Variants in PDE4D observed in about 807,000 individuals in gnomAD.
The protein encoded by PDE4D is 3',5'-cyclic-AMP phosphodiesterase 4D.
Under a neutral mutation model 87.4 loss-of-function variants are expected in PDE4D, and 24 were observed. The ratio of observed to expected loss-of-function variants is 0.27; its 90% CI spans 0.20 to 0.39. The LOEUF (loss-of-function observed/expected upper bound fraction) is 0.39. Ranked by LOEUF, PDE4D falls within the 10% of genes least tolerant of loss-of-function variation. The probability of loss-of-function intolerance (pLI) is 1.00; values close to 1 mark genes in which losing one functional copy is unlikely to be tolerated. For missense variants in PDE4D, 714 were observed against 1,041.0 expected (o/e 0.69, Z 4.32); for synonymous variants, 384 against 383.2 (o/e 1.00, Z -0.02).
At chr5:59,397,211 A>C (rs1174046405) in intron 1 of PDE4D, among the ~76,000 whole-genome samples, 1 of 117,798 alleles carries the variant, frequency 8.5e-6, no homozygotes, top group Admixed American at 8.3e-5. Flanking sequence ...AATTGAACTC[A>C]GCTCTGCACC....
At chr5:59,459,552 G>A (rs565560200) in intron 1 of PDE4D, among the ~76,000 whole-genome samples, 1 of 152,206 alleles carries the variant, frequency 6.6e-6, no homozygotes, top group East Asian at 1.9e-4. Context: ...GTCCAGCCAA[G>A]GTTTCACTCT....
At position 59,421,221 on chromosome 5, in the gene PDE4D, T is replaced by C. The variant is rs140174548; in HGVS notation, c.456-205253A>G. ...ATTCATTGTTTTTTGATTCAACCAT[T>C]GCTTAGAAAGAAACATCAGAGCAGT... On this transcript the variant is annotated intron_variant, in intron 1 of 14. Transcript: ENST00000340635. Among the ~76,000 whole-genome samples, 35 of 152,300 alleles carry C rather than the reference T, an allele frequency of 2.3e-4. No homozygotes were observed. In the East Asian group the frequency reaches 6.8e-3, roughly 29 times the overall value.
At chr5:59,280,456 G>T (rs1019492178) in intron 1 of PDE4D, among the ~76,000 whole-genome samples, 1 of 151,950 alleles carries the variant, frequency 6.6e-6, no homozygotes, top group African/African-American at 2.4e-5. Flanking sequence ...TTCAATACTG[G>T]ATTTCAGAAG....
Position 59,139,236 on chromosome 5 carries a change from G to A in PDE4D, c.808+41359C>T, listed in dbSNP as rs140164148. On this transcript the variant is annotated intron_variant, in intron 5 of 14. Coordinates refer to ENST00000340635, the MANE Select transcript of PDE4D (RefSeq NM_001104631.2). ...TTTACTGAGCTTTTATTTTGTGCCA[G>A]GCTTTTTATGTTTGGTATCTCACAC... Among the ~76,000 whole-genome samples the A allele has an allele frequency of 8.9e-4, 136 of 152,276 alleles. 1 individual carries two copies. The East Asian group carries it at 0.023, about 26-fold the overall frequency.
intron 1 of PDE4D, among the ~76,000 whole-genome samples, chr5:59,858,412 G>C (rs1745778744): frequency 6.6e-6 from 1 of 151,886 alleles, no homozygotes; most frequent in Non-Finnish European, 1.5e-5. Context: ...TCCCATCAAG[G>C]GTGGGAGGAC....
chr5:60,169,163 C>T (rs1486532906), intron 2 of PDE4D, among the ~76,000 whole-genome samples: 2 of 152,072 alleles, frequency 1.3e-5, no homozygotes, highest in Admixed American at 6.5e-5. Context: ...GCATCTAGGA[C>T]ATTTGAAAGG....
chr5:60,257,543 T>G (rs1481923381), intron 1 of PDE4D, among the ~76,000 whole-genome samples: 3 of 152,006 alleles, frequency 2.0e-5, no homozygotes, highest in Non-Finnish European at 4.4e-5. Flanking sequence ...ATGATGTATC[T>G]GAAGGCATTT....
At chr5:59,316,026 T>C (rs1773651431) in intron 1 of PDE4D, among the ~76,000 whole-genome samples, 1 of 152,142 alleles carries the variant, frequency 6.6e-6, no homozygotes, top group South Asian at 2.1e-4. Flanking sequence ...CAATAAACTT[T>C]TGCTTCTGTC....
At chr5:59,156,331 A>ATATATATATATATGTGTGTG (rs1384479557) in intron 5 of PDE4D, among the ~76,000 whole-genome samples, 9 of 122,764 alleles carry the variant, frequency 7.3e-5, no homozygotes, top group South Asian at 5.1e-4. Context: ...ATATATATAT[A>ATATATATATATATGTGTGTG]TGTGTGTGTG....
In PDE4D at chr5:59,199,966, G is replaced by A. The variant is rs540897025; in HGVS notation, c.648-6430C>T. Among the ~76,000 whole-genome samples, 8 of 149,990 alleles carry A rather than the reference G, an allele frequency of 5.3e-5. No homozygotes were observed. The East Asian group carries it at 1.2e-3, about 22-fold the overall frequency. On this transcript the variant is annotated intron_variant, in intron 2 of 14. Transcript: ENST00000340635. ...TATATACATACATGTATACATACAG[G>A]CACATACATACATATATACACATGC... is the stretch of plus-strand genomic sequence containing the variant.
At chr5:59,663,134 T>C (rs1281243741) in intron 1 of PDE4D, among the ~76,000 whole-genome samples, 1 of 152,148 alleles carries the variant, frequency 6.6e-6, no homozygotes, top group Non-Finnish European at 1.5e-5. Flanking sequence ...TAGAAATTAC[T>C]CAACTCACTT....
At chr5:60,135,314 C>T (rs537343694) in intron 2 of PDE4D, among the ~76,000 whole-genome samples, 5 of 152,254 alleles carry the variant, frequency 3.3e-5, no homozygotes, top group African/African-American at 7.2e-5. Context: ...TTCTATTGTT[C>T]GTAAGCTACT....
chr5:59,199,985 C>CACATGCATACATGCATGCA (rs1257200695), intron 2 of PDE4D, among the ~76,000 whole-genome samples: 4 of 150,828 alleles, frequency 2.7e-5, no homozygotes, highest in Non-Finnish European at 5.9e-5. Flanking sequence ...TACATATATA[C>CACATGCATACATGCATGCA]ACATGCATAC....
intron 1 of PDE4D, among the ~76,000 whole-genome samples, chr5:59,560,381 G>C (rs1819759247): frequency 6.6e-6 from 1 of 152,084 alleles, no homozygotes; most frequent in African/African-American, 2.4e-5. Flanking sequence ...TCAGGTAGAT[G>C]AAAGCACAAA....
intron 9 of PDE4D, 34 bp from the exon 10 acceptor site, chr5:58,989,953 C>A: frequency 1.5e-6 from 2 of 1,343,740 alleles, no homozygotes; most frequent in Non-Finnish European, 2.1e-6. Context: ...ACATTTTTGT[C>A]TTTATGTGAA....
chr5:59,232,928 T>C (rs1196607186), intron 1 of PDE4D, among the ~76,000 whole-genome samples: 1 of 151,946 alleles, frequency 6.6e-6, no homozygotes, highest in Non-Finnish European at 1.5e-5. Context: ...TTAAGTGAAA[T>C]AAGCCAGGCA....
intron 1 of PDE4D, among the ~76,000 whole-genome samples, chr5:59,680,489 C>T (rs1364343293): frequency 6.6e-6 from 1 of 151,972 alleles, no homozygotes; most frequent in Non-Finnish European, 1.5e-5. Context: ...CCAGATTAAT[C>T]GATTCAACTC....
At chr5:59,680,047 C>T (rs957881692) in intron 1 of PDE4D, among the ~76,000 whole-genome samples, 2 of 152,098 alleles carry the variant, frequency 1.3e-5, no homozygotes, top group Non-Finnish European at 2.9e-5. Flanking sequence ...CTTAGCTTTA[C>T]ATAGGCATTT....
At chr5:59,275,258 C>A in intron 1 of PDE4D, 1 of 1,154,586 alleles carries the variant, frequency 8.7e-7, no homozygotes, top group South Asian at 1.3e-5. Flanking sequence ...GCCTCGACAT[C>A]ACACAACTTA....
Sources: allele counts gnomAD v4.1 joint callset (sites outside exome capture counted in the v4.1 genomes callset), GRCh38; gene constraint gnomAD v4.1.1; transcripts MANE v1.5; gene names NCBI Gene and HGNC (gene_info 2026-07-23, HGNC 2026-07-21).